Variants in PCBP3 observed in about 807,000 individuals in gnomAD.
PCBP3 encodes poly(rC)-binding protein 3.
A neutral mutation model predicts 52.7 loss-of-function variants in PCBP3; 25 were observed. The ratio of observed to expected loss-of-function variants is 0.47; its 90% CI spans 0.35 to 0.66. The LOEUF is 0.66. Among genes scored for constraint, PCBP3 ranks in the 30% least tolerant of loss-of-function variants. The probability of loss-of-function intolerance (pLI) is 0.01; values close to 1 mark genes in which losing one functional copy is unlikely to be tolerated. For missense variants in PCBP3, 391 were observed against 490.3 expected, an observed-to-expected ratio of 0.80 and a Z score of 1.91; for synonymous variants, 162 against 183.0, an observed-to-expected ratio of 0.89 and a Z score of 0.93.
rs141480170 is a variant in PCBP3 at position 45,754,541 on chromosome 21, G to A, written c.-161-876G>A. The stretch of plus-strand genomic sequence containing the variant: ...TTAAAAAATATTCCCTGTTGATATA[G>A]CTAGAAAACAGCTAGAAAATATTCG... On this transcript the variant is annotated intron_variant, in intron 3 of 17. Transcript: ENST00000681687. 2.4e-3 allele frequency among the ~76,000 whole-genome samples: 365 copies of A among 152,280 alleles called. 2 individuals are homozygous for A. Among genetic ancestry groups the A allele is most frequent in the African/African-American group, 8.2e-3 (342 of 41,552 alleles).
chr21:45,792,919 C>G (rs535876754), intron 4 of PCBP3, among the ~76,000 whole-genome samples: 1 of 152,288 alleles, frequency 6.6e-6, no homozygotes, highest in South Asian at 2.1e-4. Context: ...GGACAGGGAG[C>G]CACTTCCAGG....
At chr21:45,834,244 G>A (rs1296438698) in intron 4 of PCBP3, among the ~76,000 whole-genome samples, 1 of 152,240 alleles carries the variant, frequency 6.6e-6, no homozygotes, top group African/African-American at 2.4e-5. Flanking sequence ...CCTGGAGCCC[G>A]GCTGGCAGCT....
At position 45,667,235 on chromosome 21, in the gene PCBP3, C is replaced by T. The variant is rs114514470; in HGVS notation, c.-278-1639C>T. Among the ~76,000 whole-genome samples the T allele has an allele frequency of 5.6e-3, 850 of 151,712 alleles. 6 individuals carry two copies. Among genetic ancestry groups the T allele is most frequent in the African/African-American group, 0.019 (792 of 41,338 alleles). ...GTTGCCCAGGCTGGTCTTGAACTCCCAACCTTAAGCCATCCTTCCACCTCA... is the reference window on the plus strand; with the variant it reads ...GTTGCCCAGGCTGGTCTTGAACTCCTAACCTTAAGCCATCCTTCCACCTCA... On this transcript the variant is annotated intron_variant, in intron 1 of 17. Transcript: ENST00000681687.
chr21:45,755,198 C>T (rs921974648), intron 3 of PCBP3, among the ~76,000 whole-genome samples: 1 of 152,186 alleles, frequency 6.6e-6, no homozygotes, highest in African/African-American at 2.4e-5. Flanking sequence ...AATCATGCAG[C>T]ATGTGACATT....
rs116787645 is a variant in PCBP3, at chr21:45,837,063, C to T, written c.-125-12898C>T. Among the ~76,000 whole-genome samples, 448 of 152,326 alleles carry T rather than the reference C, an allele frequency of 2.9e-3. 1 individual carries two copies. Among genetic ancestry groups the T allele is most frequent in the African/African-American group, 9.9e-3 (412 of 41,570 alleles). Reference sequence around the variant, plus strand: ...GTTTAAGGAAGTGGAATTGCTGCATCATAAAGTCTGTGAAAGGTGAACTTT... The same window carrying T: ...GTTTAAGGAAGTGGAATTGCTGCATTATAAAGTCTGTGAAAGGTGAACTTT... On this transcript the variant is annotated intron_variant, in intron 4 of 17. Coordinates refer to ENST00000681687, the MANE Select transcript of PCBP3 (RefSeq NM_001384156.1). The surrounding 1 kb of genome is among the most constrained non-coding windows in gnomAD (Gnocchi z 4.1).
intron 5 of PCBP3, among the ~76,000 whole-genome samples, chr21:45,875,030 G>A (rs1202790780): frequency 6.6e-6 from 1 of 152,242 alleles, no homozygotes; most frequent in African/African-American, 2.4e-5. Context: ...GCTCCCAAAA[G>A]AGCCTCCTCA....
chr21:45,784,165 A>G (rs1016808214), intron 4 of PCBP3, among the ~76,000 whole-genome samples: 1 of 152,160 alleles, frequency 6.6e-6, no homozygotes, highest in Non-Finnish European at 1.5e-5. Flanking sequence ...AAAAATGTAC[A>G]ATATTTCACT....
At chr21:45,897,429 G>A (rs1270284504) in intron 6 of PCBP3, among the ~76,000 whole-genome samples, 3 of 152,328 alleles carry the variant, frequency 2.0e-5, no homozygotes, top group Non-Finnish European at 1.5e-5. Context: ...TGGCAGGAAC[G>A]TGGCAGCAGC....
intron 2 of PCBP3, among the ~76,000 whole-genome samples, chr21:45,711,529 A>G (rs1409650065): frequency 6.6e-6 from 1 of 152,212 alleles, no homozygotes; most frequent in Non-Finnish European, 1.5e-5. Flanking sequence ...GTATACATGT[A>G]TAGCAGTATG....
At chr21:45,797,850 A>G (rs2092054997) in intron 4 of PCBP3, among the ~76,000 whole-genome samples, 3 of 151,734 alleles carry the variant, frequency 2.0e-5, no homozygotes, top group African/African-American at 4.9e-5. Context: ...GAATGCATGG[A>G]TGGACGAATG....
Position 45,669,787 on chromosome 21 carries a change from T to TTTTG in PCBP3, c.-200+836_-200+837insTTGT, listed in dbSNP as rs1244706118. On this transcript the variant is annotated intron_variant, in intron 2 of 17. Coordinates refer to ENST00000681687, the MANE Select transcript of PCBP3 (RefSeq NM_001384156.1). ...CTTTTTAAGACTGAATAATATTCCA[T>TTTTG]TGTGTGTGTGTGTGTGTGTATATAT... is the stretch of plus-strand genomic sequence containing the variant. 1.0e-4 allele frequency among the ~76,000 whole-genome samples: 8 copies of TTTTG among 79,020 alleles called. No individual in the cohort carries two copies. In the East Asian group the frequency reaches 2.2e-3, roughly 22 times the overall value. 51.8% of individuals were successfully genotyped at this position (79,020 alleles called of 152,430 possible).
intron 3 of PCBP3, among the ~76,000 whole-genome samples, chr21:45,747,562 A>G (rs1341072691): frequency 1.3e-5 from 2 of 152,256 alleles, no homozygotes; most frequent in African/African-American, 4.8e-5. Context: ...GGGCAGCACT[A>G]TTTCACTGTG....
intron 5 of PCBP3, among the ~76,000 whole-genome samples, chr21:45,865,529 C>T (rs2094685281): frequency 6.6e-6 from 1 of 152,208 alleles, no homozygotes. Context: ...ACCTCCGTGC[C>T]TCCCGCCCCA....
At chr21:45,863,642 C>T (rs2094594207) in intron 5 of PCBP3, among the ~76,000 whole-genome samples, 1 of 152,344 alleles carries the variant, frequency 6.6e-6, no homozygotes, top group South Asian at 2.1e-4. Flanking sequence ...GAGCGAAGCA[C>T]CACTCTCCTT....
At chr21:45,653,598 T>C (rs1418289205) in intron 1 of PCBP3, among the ~76,000 whole-genome samples, 2 of 152,194 alleles carry the variant, frequency 1.3e-5, no homozygotes, top group Non-Finnish European at 2.9e-5. Context: ...TTTTTTATCT[T>C]ATTCTCAACC....
chr21:45,784,420 C>CTCCTACCT (rs1555934355), intron 4 of PCBP3, among the ~76,000 whole-genome samples: 13 of 125,260 alleles, frequency 1.0e-4, no homozygotes, highest in Non-Finnish European at 1.9e-4. Context: ...CTACCGCTAC[C>CTCCTACCT]CCTACCTCCT....
intron 4 of PCBP3, among the ~76,000 whole-genome samples, chr21:45,801,097 C>T (rs1603433217): frequency 2.6e-5 from 4 of 152,344 alleles, no homozygotes; most frequent in Admixed American, 2.6e-4. Context: ...TGTGACTTCC[C>T]CACTCACCCG....
chr21:45,913,833 G>A (rs2096452771), intron 11 of PCBP3, 118 bp from the exon 12 acceptor site: 5 of 898,948 alleles, frequency 5.6e-6, no homozygotes, highest in South Asian at 1.6e-5. Context: ...TCGGGGAGGT[G>A]TGGGGAGCGT....
At chr21:45,733,035 T>A (rs1215907411) in intron 2 of PCBP3, among the ~76,000 whole-genome samples, 1 of 152,246 alleles carries the variant, frequency 6.6e-6, no homozygotes, top group South Asian at 2.1e-4. Flanking sequence ...AGAGAATCTT[T>A]ATCTGTGTTT....
Sources: allele counts gnomAD v4.1 joint callset (sites outside exome capture counted in the v4.1 genomes callset), GRCh38; gene constraint gnomAD v4.1.1; non-coding constraint Gnocchi (gnomAD v3.1); transcripts MANE v1.5; gene names NCBI Gene and HGNC (gene_info 2026-07-23, HGNC 2026-07-21).